The following CALN1 variants were observed in gnomAD, a reference collection of about 807,000 sequenced individuals.
The protein encoded by CALN1 is calneuron 1.
CALN1 carries 17 observed loss-of-function variants against 30.6 expected under a neutral mutation model. The ratio of observed to expected loss-of-function variants is 0.56; its 90% CI spans 0.38 to 0.83. CALN1 has a LOEUF of 0.83. CALN1 is among the 40% of genes least tolerant of loss of function. The probability of loss-of-function intolerance (pLI) is 0.00; values close to 1 mark genes in which losing one functional copy is unlikely to be tolerated. For missense variants in CALN1, 291 were observed against 354.9 expected (o/e 0.82, Z 1.45); for synonymous variants, 156 against 131.4 (o/e 1.19, Z -1.28).
intron 2 of CALN1, among the ~76,000 whole-genome samples, chr7:72,345,104 T>C (rs1482400404): frequency 6.7e-6 from 1 of 148,968 alleles, no homozygotes; most frequent in Admixed American, 6.7e-5. Flanking sequence ...TATATAATTA[T>C]GTTATACGAA....
intron 3 of CALN1, among the ~76,000 whole-genome samples, chr7:72,142,092 G>C (rs1170671391): frequency 6.6e-6 from 1 of 152,172 alleles, no homozygotes; most frequent in East Asian, 1.9e-4. Flanking sequence ...GAGGTACCGG[G>C]TTCATCTCAC....
intron 2 of CALN1, among the ~76,000 whole-genome samples, chr7:72,326,420 T>C (rs917478409): frequency 1.3e-5 from 2 of 152,222 alleles, no homozygotes; most frequent in African/African-American, 2.4e-5. Context: ...ATAAAGCAGA[T>C]GACACCTACT....
chr7:72,021,756 C>T (rs1236648184), intron 5 of CALN1, among the ~76,000 whole-genome samples: 1 of 152,160 alleles, frequency 6.6e-6, no homozygotes, highest in Non-Finnish European at 1.5e-5. Context: ...TAATTTTACC[C>T]ACCAGCTCTC....
chr7:72,155,404 A>G (rs555060755), intron 3 of CALN1, among the ~76,000 whole-genome samples: 38 of 151,842 alleles, frequency 2.5e-4, no homozygotes, highest in African/African-American at 9.2e-4. Flanking sequence ...AGGCAGGAGA[A>G]TGGCTTGAAC....
intron 5 of CALN1, among the ~76,000 whole-genome samples, chr7:71,860,983 C>A (rs114147383): frequency 2.6e-5 from 4 of 152,122 alleles, no homozygotes; most frequent in African/African-American, 9.7e-5. Flanking sequence ...TTCAAAGTAA[C>A]CCACATTATT....
At chr7:71,810,896 C>T (rs1321330192) in intron 5 of CALN1, among the ~76,000 whole-genome samples, 6 of 139,180 alleles carry the variant, frequency 4.3e-5, no homozygotes, top group South Asian at 2.3e-4. Context: ...AAGCATGTAT[C>T]TTTTTTTTTT....
intron 5 of CALN1, among the ~76,000 whole-genome samples, chr7:71,879,000 G>A (rs1315232353): frequency 1.3e-5 from 2 of 152,208 alleles, no homozygotes; most frequent in Non-Finnish European, 2.9e-5. Flanking sequence ...GACGATGGCA[G>A]TGAACTGAGG....
At chr7:71,867,156 C>A (rs890092021) in intron 5 of CALN1, among the ~76,000 whole-genome samples, 5 of 143,680 alleles carry the variant, frequency 3.5e-5, no homozygotes, top group Admixed American at 2.8e-4. Flanking sequence ...AAAAAAAAAA[C>A]TAAGGACATT....
rs767122514 is a variant in CALN1, at chr7:71,787,866, C to T, written c.695G>A (p.Arg232Gln). 5.6e-5 allele frequency: 91 copies of T among 1,613,946 alleles called. No individual in the cohort carries two copies. The highest frequency in any genetic ancestry group is 8.9e-5 in the East Asian group (4 of 44,888). ...SQKQNRQTCV[R>Q]KSLICAFAMA... The stretch of plus-strand genomic sequence containing the variant: ...AGCAAAGGCGCATATGAGGCTCTTC[C>T]GGACGCAGGTCTGTCTGTTCTGCTT... The change falls in exon 7 of 7, where the codon CGG (arginine) becomes CAG (glutamine). Residue 232 changes from arginine (R) to glutamine (Q), a missense_variant. Physicochemically the swap from Arg to Gln is conservative, Grantham distance 43 (BLOSUM62 1). This residue lies in a region of CALN1 where 169 missense variants were observed against 251.7 expected (regional missense o/e 0.67). Coordinates refer to ENST00000395275, the MANE Select transcript of CALN1 (RefSeq NM_031468.4).
At position 71,785,467 on chromosome 7, in the gene CALN1, A is replaced by C. The variant is rs1221393867; in HGVS notation, c.*2308T>G. On this transcript the variant is annotated 3_prime_UTR_variant, in exon 7 of 7. Transcript: ENST00000395275. ...GCAGAAAAGCCACCTTCAAAGAAGT[A>C]CTCATTTTCTGCCCTGAAGACCAGC... is the stretch of plus-strand genomic sequence containing the variant. 2.6e-5 allele frequency: 4 copies of C among 152,164 alleles called. No homozygotes were observed. 9.4% of individuals were successfully genotyped at this position (152,164 alleles called of 1,614,324 possible).
chr7:72,260,942 C>T (rs1796229591), intron 3 of CALN1, among the ~76,000 whole-genome samples: 1 of 152,102 alleles, frequency 6.6e-6, no homozygotes, highest in African/African-American at 2.4e-5. Context: ...CTGCAACATA[C>T]CCTGAGGCTC....
intron 1 of CALN1, among the ~76,000 whole-genome samples, chr7:72,418,099 C>T (rs530702952): frequency 6.6e-6 from 1 of 152,240 alleles, no homozygotes; most frequent in South Asian, 2.1e-4. Flanking sequence ...GGTAGTGTTT[C>T]AACCTTTGCC....
intron 3 of CALN1, among the ~76,000 whole-genome samples, chr7:72,141,753 G>C (rs1228392837): frequency 6.6e-6 from 1 of 152,086 alleles, no homozygotes; most frequent in Non-Finnish European, 1.5e-5. Context: ...ATTTTTAGTA[G>C]AGACAGGGTT....
At chr7:72,484,461 A>G in the CALN1 span, among the ~76,000 whole-genome samples, 1 of 152,190 alleles carries the variant, frequency 6.6e-6, no homozygotes, top group African/African-American at 2.4e-5. Context: ...GGGAACAGGC[A>G]CTATTCCCAG....
chr7:72,189,317 C>T (rs533835965), intron 3 of CALN1, among the ~76,000 whole-genome samples: 9 of 152,176 alleles, frequency 5.9e-5, no homozygotes, highest in East Asian at 3.9e-4. Flanking sequence ...GTTTGGAGAG[C>T]GGACTTTTTT....
At chr7:72,210,117 G>A (rs1284741525) in intron 3 of CALN1, among the ~76,000 whole-genome samples, 4 of 151,934 alleles carry the variant, frequency 2.6e-5, no homozygotes, top group Non-Finnish European at 4.4e-5. Context: ...ACAACTGCAG[G>A]GACACAGTTT....
intron 5 of CALN1, among the ~76,000 whole-genome samples, chr7:71,958,428 C>A (rs981575621): frequency 1.3e-5 from 2 of 152,180 alleles, no homozygotes; most frequent in South Asian, 4.1e-4. Flanking sequence ...CAACAGACAA[C>A]TCAGGGAGGC....
chr7:72,092,085 T>C (rs1171746791), intron 4 of CALN1, among the ~76,000 whole-genome samples: 1 of 152,252 alleles, frequency 6.6e-6, no homozygotes, highest in African/African-American at 2.4e-5. Context: ...TTACTTTTCA[T>C]ATCTAGTTTA....
intron 5 of CALN1, among the ~76,000 whole-genome samples, chr7:71,950,228 T>C (rs13241778): frequency 0.16 from 24,422 of 152,160 alleles, 2,303 homozygotes; most frequent in Non-Finnish European, 0.23. Context: ...ACAGTTGTTT[T>C]AGCCACAGCA....
Sources: allele counts gnomAD v4.1 joint callset (sites outside exome capture counted in the v4.1 genomes callset), GRCh38; gene constraint gnomAD v4.1.1; regional missense constraint gnomAD v4.1.1; transcripts MANE v1.5; gene names NCBI Gene and HGNC (gene_info 2026-07-23, HGNC 2026-07-21).